The following EYA4 variants were observed in gnomAD, a reference collection of about 807,000 sequenced individuals.
EYA4 encodes EYA transcriptional coactivator and phosphatase 4.
In EYA4, 31 loss-of-function variants were observed where a neutral mutation model predicts 87.9. That is an observed-to-expected ratio of 0.35 (90% CI 0.27 to 0.48). The LOEUF is 0.48. Ranked by LOEUF, EYA4 falls within the 20% of genes least tolerant of loss-of-function variation. The pLI, the probability that EYA4 is intolerant of heterozygous loss-of-function variation, is 0.99. For synonymous variants in EYA4, 263 were observed against 270.6 expected (o/e 0.97, Z 0.28); for missense variants, 678 against 761.4 (o/e 0.89, Z 1.29).
At chr6:133,457,206 C>A (rs1793986144) in intron 6 of EYA4, among the ~76,000 whole-genome samples, 1 of 152,262 alleles carries the variant, frequency 6.6e-6, no homozygotes, top group East Asian at 1.9e-4. Context: ...TCAAAGAGAA[C>A]AATAGCATGT....
intron 1 of EYA4, among the ~76,000 whole-genome samples, chr6:133,250,503 G>A (rs987141234): frequency 1.3e-5 from 2 of 152,026 alleles, no homozygotes; most frequent in East Asian, 1.9e-4. Flanking sequence ...TTAGCTGGGC[G>A]TGGTGGTGGG....
chr6:133,270,691 T>C (rs972710628), intron 1 of EYA4, among the ~76,000 whole-genome samples: 4 of 152,186 alleles, frequency 2.6e-5, no homozygotes, highest in Non-Finnish European at 5.9e-5. Flanking sequence ...CTGGGCCATT[T>C]CTAGTCCTGC....
At chr6:133,417,550 C>T (rs1272111496) in intron 3 of EYA4, among the ~76,000 whole-genome samples, 1 of 152,040 alleles carries the variant, frequency 6.6e-6, no homozygotes, top group Admixed American at 6.5e-5. Context: ...TAATGCAGAG[C>T]ATTTGTACTT....
intron 9 of EYA4, 23 bp from the exon 10 acceptor site, chr6:133,464,756 T>C (rs1286237442): frequency 2.2e-6 from 3 of 1,394,666 alleles, no homozygotes; most frequent in Non-Finnish European, 3.1e-6. Context: ...ACTTTTAAAA[T>C]GCAATTTGTT....
chr6:133,360,470 T>C (rs1046870754), intron 2 of EYA4: 3 of 152,250 alleles, frequency 2.0e-5, no homozygotes, highest in Non-Finnish European at 4.4e-5. Context: ...TCTGAGTACC[T>C]ACTGTATGCC....
In EYA4 at chr6:133,422,526, A is replaced by G. The variant is rs566108662; in HGVS notation, c.84-24104A>G. Among the ~76,000 whole-genome samples, 7 of 152,286 alleles carry G rather than the reference A, an allele frequency of 4.6e-5. No homozygotes were observed. The South Asian group carries it at 8.3e-4, about 18-fold the overall frequency. ...AGACTATGCTCTCTTTTAGATAGACATTTAAGTTATTTCTAATTCTTAACT... is the reference window on the plus strand; with the variant it reads ...AGACTATGCTCTCTTTTAGATAGACGTTTAAGTTATTTCTAATTCTTAACT... On this transcript the variant is annotated intron_variant, in intron 3 of 19. Coordinates refer to ENST00000355286, the MANE Select transcript of EYA4 (RefSeq NM_004100.5).
At chr6:133,470,023 T>A (rs1185191182) in intron 11 of EYA4, among the ~76,000 whole-genome samples, 1 of 150,912 alleles carries the variant, frequency 6.6e-6, no homozygotes, top group Non-Finnish European at 1.5e-5. Flanking sequence ...GCAAAAATTT[T>A]CTCCCATGTT....
At chr6:133,394,280 T>TTG (rs1293649351) in intron 3 of EYA4, among the ~76,000 whole-genome samples, 2 of 112,130 alleles carry the variant, frequency 1.8e-5, no homozygotes, top group African/African-American at 6.3e-5. Flanking sequence ...ATATATAAGC[T>TTG]TGTGTTTTTT....
intron 5 of EYA4, among the ~76,000 whole-genome samples, chr6:133,456,269 G>A (rs1298068812): frequency 1.3e-5 from 2 of 152,116 alleles, no homozygotes; most frequent in Non-Finnish European, 2.9e-5. Flanking sequence ...CTATATGAGA[G>A]TGTGTTTAGG....
chr6:133,506,194 A>G lies in EYA4; in HGVS notation c.1280A>G (p.Glu427Gly). The G allele has an allele frequency of 6.4e-7, 1 of 1,559,752 alleles. No individual in the cohort carries two copies. Among genetic ancestry groups the G allele is most frequent in the African/African-American group, 1.4e-5 (1 of 74,006 alleles). ...ADTHLFFNDL[E>G]ECDQVHIDDV... ...ACTCATTTGTTTTTTAATGATTTAG[A>G]GGTAAGAATTTTACAAGGTACAAAT... The change falls in exon 14 of 20, where the codon GAG (glutamate) becomes GGG (glycine). Residue 427 changes from glutamate (E) to glycine (G), a missense_variant and splice_region_variant. Physicochemically the swap from Glu to Gly is moderately conservative, Grantham distance 98. Transcript: ENST00000355286.
chr6:133,349,710 C>G (rs1247757353), intron 2 of EYA4, among the ~76,000 whole-genome samples: 1 of 152,080 alleles, frequency 6.6e-6, no homozygotes, highest in African/African-American at 2.4e-5. Context: ...GGGTTAACCC[C>G]TAATCAGTGG....
intron 3 of EYA4, among the ~76,000 whole-genome samples, chr6:133,396,013 C>T (rs1051205029): frequency 7.9e-5 from 12 of 152,092 alleles, no homozygotes; most frequent in Admixed American, 5.2e-4. Context: ...TTTTCTGTCT[C>T]CCCCTTCTTT....
chr6:133,342,602 T>TATATATATATATAA (rs1166532568), intron 2 of EYA4, among the ~76,000 whole-genome samples: 2 of 142,990 alleles, frequency 1.4e-5, no homozygotes, highest in African/African-American at 5.3e-5. Flanking sequence ...TATATATATA[T>TATATATATATATAA]ATAATTCTTT....
intron 3 of EYA4, among the ~76,000 whole-genome samples, chr6:133,420,423 CATTAT>C (rs1264390459): frequency 3.9e-5 from 6 of 152,200 alleles, no homozygotes; most frequent in African/African-American, 1.4e-4. Context: ...CTCAAACATA[CATTAT>C]TCTTCACTCC....
chr6:133,293,518 T>C (rs6923945), intron 2 of EYA4, among the ~76,000 whole-genome samples: 14,651 of 152,206 alleles, frequency 0.096, 859 homozygotes, highest in South Asian at 0.14. Context: ...ATCCCACTCA[T>C]TGAATTACCA....
At chr6:133,242,431 T>G (rs1774029313) in intron 1 of EYA4, among the ~76,000 whole-genome samples, 1 of 152,196 alleles carries the variant, frequency 6.6e-6, no homozygotes, top group African/African-American at 2.4e-5. Flanking sequence ...GCAGTCGCGT[T>G]CATTGGCTCG....
Position 133,531,351 on chromosome 6 carries a change from A to G in EYA4, c.*2546A>G, listed in dbSNP as rs1801001365. On this transcript the variant is annotated 3_prime_UTR_variant, in exon 20 of 20. Transcript: ENST00000355286. ...CACAAACTAGAACTCTTCCCTTCCC[A>G]CCTTAGGAATAGAAAATCCTCTTCC... 1.5e-6 allele frequency: 1 copy of G among 654,196 alleles called. No homozygotes were observed. Among genetic ancestry groups the G allele is most frequent in the Non-Finnish European group, 2.5e-6 (1 of 393,482 alleles). 40.5% of individuals were successfully genotyped at this position (654,196 alleles called of 1,614,324 possible).
At chr6:133,327,963 A>G (rs930391732) in intron 2 of EYA4, among the ~76,000 whole-genome samples, 1 of 152,222 alleles carries the variant, frequency 6.6e-6, no homozygotes, top group East Asian at 1.9e-4. Flanking sequence ...GGCCAAGTTG[A>G]TAAACTTTTA....
chr6:133,282,005 T>C (rs971541086), intron 2 of EYA4, among the ~76,000 whole-genome samples: 1 of 152,198 alleles, frequency 6.6e-6, no homozygotes, highest in African/African-American at 2.4e-5. Flanking sequence ...ACATTTTCTT[T>C]ATCCATTCCA....
Sources: gnomAD v4.1 joint callset for allele counts (sites outside exome capture counted in the v4.1 genomes callset) on GRCh38, gnomAD v4.1.1 for gene constraint, MANE v1.5 for transcripts, NCBI Gene and HGNC (gene_info 2026-07-23, HGNC 2026-07-21) for gene names.